NTRK3: variants seen among roughly 807,000 people sequenced by gnomAD.
NTRK3 encodes the protein NT-3 growth factor receptor.
NTRK3 carries 24 observed loss-of-function variants against 91.7 expected under a neutral mutation model. The ratio of observed to expected loss-of-function variants is 0.26; its 90% CI spans 0.19 to 0.37. NTRK3 has a LOEUF of 0.37. Among genes scored for constraint, NTRK3 ranks in the 10% least tolerant of loss-of-function variants. NTRK3 has a pLI of 1.00. For synonymous variants in NTRK3, 483 were observed against 404.0 expected (o/e 1.20, Z -2.34); for missense variants, 880 against 1,068.9 (o/e 0.82, Z 2.46).
chr15:87,865,071 T>G (rs60098411), exon 19 of NTRK3: 7,871 of 213,854 alleles, frequency 0.037, 501 homozygotes, highest in African/African-American at 0.14. Context: ...GAGGCAAAAG[T>G]TAAAGAGAAA....
At position 87,995,807 on chromosome 15, in the gene NTRK3, C is replaced by T. The variant is rs193104416; in HGVS notation, c.1585+37050G>A. Among the ~76,000 whole-genome samples the T allele has an allele frequency of 3.3e-5, 5 of 152,232 alleles. No homozygotes were observed. The East Asian group carries it at 5.8e-4, about 18-fold the overall frequency. On this transcript the variant is annotated intron_variant, in intron 14 of 18. Coordinates refer to ENST00000394480, the Ensembl canonical transcript of NTRK3. ...GCTACTCAACTCTGCCGTTGCAGCA[C>T]GAAGGCAGCCATAGACAATGTGCAA...
Position 88,219,355 on chromosome 15 carries a change from C to T in NTRK3, c.249-35056G>A, listed in dbSNP as rs4603526. On this transcript the variant is annotated intron_variant, in intron 3 of 18. Coordinates refer to ENST00000394480, the Ensembl canonical transcript of NTRK3. Reference sequence around the variant, plus strand: ...GAAACTGACAGCCCCCTGAAACCCACAGACGGGGGCCAAGAGGAGAAGTCC... The same window carrying T: ...GAAACTGACAGCCCCCTGAAACCCATAGACGGGGGCCAAGAGGAGAAGTCC... 2.0e-4 allele frequency among the ~76,000 whole-genome samples: 31 copies of T among 152,370 alleles called. No individual in the cohort carries two copies. In the South Asian group the frequency reaches 6.4e-3, roughly 32 times the overall value.
intron 10 of NTRK3, 35 bp from the exon 11 acceptor site, chr15:88,128,769 T>G: frequency 2.5e-6 from 4 of 1,603,256 alleles, no homozygotes; most frequent in Non-Finnish European, 3.4e-6. Flanking sequence ...ATTAACAAAT[T>G]TAATAAAAAC....
At chr15:88,174,484 G>T (rs2045813639) in intron 5 of NTRK3, among the ~76,000 whole-genome samples, 1 of 152,076 alleles carries the variant, frequency 6.6e-6, no homozygotes, top group African/African-American at 2.4e-5. Context: ...ATATAGTCCT[G>T]ACTCAAGCCT....
chr15:88,003,635 T>G (rs916743864), intron 14 of NTRK3, among the ~76,000 whole-genome samples: 1 of 152,126 alleles, frequency 6.6e-6, no homozygotes, highest in Admixed American at 6.5e-5. Flanking sequence ...ACTACTACAA[T>G]GCACTGCTCC....
At chr15:87,892,454 C>G (rs1337605131) in intron 17 of NTRK3, among the ~76,000 whole-genome samples, 1 of 152,044 alleles carries the variant, frequency 6.6e-6, no homozygotes, top group African/African-American at 2.4e-5. Flanking sequence ...TCTTTTCCAT[C>G]AATTTATCTT....
intron 17 of NTRK3, among the ~76,000 whole-genome samples, chr15:87,901,101 A>C (rs1211852501): frequency 6.6e-6 from 1 of 152,158 alleles, no homozygotes; most frequent in Non-Finnish European, 1.5e-5. Context: ...CTGTACCTCC[A>C]TGCAGCATCT....
At chr15:88,230,842 T>C (rs566676210) in intron 3 of NTRK3, among the ~76,000 whole-genome samples, 2 of 152,292 alleles carry the variant, frequency 1.3e-5, no homozygotes, top group East Asian at 1.9e-4. Context: ...AAATGTCTTT[T>C]AAGCCAATAT....
chr15:88,228,660 A>G (rs1373434688), intron 3 of NTRK3, among the ~76,000 whole-genome samples: 2 of 152,124 alleles, frequency 1.3e-5, no homozygotes, highest in Admixed American at 6.5e-5. Context: ...CTTCCCTTGT[A>G]TTATAGTTGT....
chr15:87,995,139 A>C (rs2141546925), intron 14 of NTRK3, among the ~76,000 whole-genome samples: 1 of 152,344 alleles, frequency 6.6e-6, no homozygotes, highest in Middle Eastern at 3.4e-3. Flanking sequence ...ATTCATAGGA[A>C]TTACACACCT....
intron 14 of NTRK3, among the ~76,000 whole-genome samples, chr15:88,012,743 C>A (rs773282305): frequency 1.3e-5 from 2 of 152,052 alleles, no homozygotes; most frequent in South Asian, 2.1e-4. Flanking sequence ...TATTTTTGAT[C>A]GGGGGAAAAA....
chr15:87,899,539 A>G (rs2066327273), intron 17 of NTRK3, among the ~76,000 whole-genome samples: 1 of 152,132 alleles, frequency 6.6e-6, no homozygotes. Context: ...AACCACTCCA[A>G]ATTAACCATT....
chr15:88,176,477 A>G (rs979333274), intron 5 of NTRK3, among the ~76,000 whole-genome samples: 2 of 152,160 alleles, frequency 1.3e-5, no homozygotes, highest in African/African-American at 4.8e-5. Flanking sequence ...AGTTTCTACC[A>G]TACATAGAAG....
intron 3 of NTRK3, among the ~76,000 whole-genome samples, chr15:88,247,280 G>C (rs1049006660): frequency 2.0e-5 from 3 of 152,146 alleles, no homozygotes; most frequent in Non-Finnish European, 4.4e-5. Flanking sequence ...TCCCAGAGCA[G>C]ACACCAACAG....
At chr15:87,872,183 G>A (rs556621874) in exon 19 of NTRK3, 1 of 220,442 alleles carries the variant, frequency 4.5e-6, no homozygotes, top group East Asian at 6.6e-5. Context: ...CTGCTGGCAG[G>A]TGGGTTCATT....
chr15:87,998,314 A>G (rs932034848), intron 14 of NTRK3, among the ~76,000 whole-genome samples: 1 of 152,260 alleles, frequency 6.6e-6, no homozygotes, highest in African/African-American at 2.4e-5. Flanking sequence ...GTTTAACCAT[A>G]ACATATACTG....
intron 5 of NTRK3, among the ~76,000 whole-genome samples, chr15:88,156,300 C>A (rs967086103): frequency 6.6e-6 from 1 of 152,068 alleles, no homozygotes; most frequent in Admixed American, 6.5e-5. Context: ...GGAGAAGGAC[C>A]GTGGCACATG....
intron 14 of NTRK3, among the ~76,000 whole-genome samples, chr15:88,030,528 G>A (rs1455730377): frequency 6.6e-6 from 1 of 152,162 alleles, no homozygotes; most frequent in Non-Finnish European, 1.5e-5. Flanking sequence ...ATATGATCAC[G>A]AGATCATATT....
intron 3 of NTRK3, among the ~76,000 whole-genome samples, chr15:88,251,590 T>A (rs1443623613): frequency 1.3e-5 from 2 of 152,130 alleles, no homozygotes; most frequent in African/African-American, 2.4e-5. Flanking sequence ...CAGGCCACAG[T>A]GGAAATGCCG....
Sources: gnomAD v4.1 joint callset for allele counts (sites outside exome capture counted in the v4.1 genomes callset) on GRCh38, gnomAD v4.1.1 for gene constraint, MANE v1.5 for transcripts, NCBI Gene and HGNC (gene_info 2026-07-23, HGNC 2026-07-21) for gene names.